Variants in PCCA observed in about 807,000 individuals in gnomAD.
The protein encoded by PCCA is propionyl-CoA carboxylase subunit alpha, also known as propionyl-CoA carboxylase alpha chain, mitochondrial.
A neutral mutation model predicts 101.3 loss-of-function variants in PCCA; 74 were observed. That is an observed-to-expected ratio of 0.73 (90% CI 0.61 to 0.89). PCCA has a LOEUF of 0.89. PCCA is among the 40% of genes least tolerant of loss of function. The probability of loss-of-function intolerance (pLI) is 0.00; values close to 1 mark genes in which losing one functional copy is unlikely to be tolerated. For synonymous variants in PCCA, 294 were observed against 313.6 expected, an observed-to-expected ratio of 0.94 and a Z score of 0.66; for missense variants, 891 against 907.0, an observed-to-expected ratio of 0.98 and a Z score of 0.23.
At chr13:100,235,278 GA>G (rs554536034) in intron 7 of PCCA, among the ~76,000 whole-genome samples, 2,111 of 116,526 alleles carry the variant, frequency 0.018, 18 homozygotes, top group East Asian at 0.08. Context: ...ATATGTACCT[GA>G]AAAAAAAAAA....
rs769286299 is a variant in PCCA at position 100,262,790 on chromosome 13, A to C, written c.778A>C (p.Ile260Leu). Reference protein sequence around the residue: ...ASSFGDDRLLIEKFIDNPRHI... With the variant: ...ASSFGDDRLLLEKFIDNPRHI... ...TAGTTTTGGCGATGATAGACTACTA[A>C]TAGAAAAATTTATTGATAATCCTCG... The change falls in exon 10 of 24, where the codon ATA becomes CTA. Residue 260 changes from isoleucine (I) to leucine (L), a missense_variant. Ile to Leu is a conservative substitution (Grantham distance 5). Coordinates refer to ENST00000376285, the MANE Select transcript of PCCA (RefSeq NM_000282.4). The C allele has an allele frequency of 7.0e-6, 11 of 1,570,832 alleles. No individual in the cohort carries two copies. The highest frequency in any genetic ancestry group is 9.6e-6 in the Non-Finnish European group (11 of 1,142,352).
chr13:100,452,557 A>G (rs60042077), intron 21 of PCCA, among the ~76,000 whole-genome samples: 5,174 of 152,204 alleles, frequency 0.034, 294 homozygotes, highest in African/African-American at 0.12. Flanking sequence ...TTTACTCAGT[A>G]GGCTCCTTCT....
At position 100,425,646 on chromosome 13, in the gene PCCA, G is replaced by C. The variant is rs2079091617; in HGVS notation, c.1760G>C (p.Gly587Ala). The C allele has an allele frequency of 6.2e-7, 1 of 1,613,264 alleles. No individual in the cohort carries two copies. Among genetic ancestry groups the C allele is most frequent in the Non-Finnish European group, 8.5e-7 (1 of 1,179,220 alleles). The change falls in exon 20 of 24, where the codon GGG (glycine) becomes GCG (alanine). Residue 587 changes from glycine (G) to alanine (A), a missense_variant. Physicochemically the swap from Gly to Ala is moderately conservative, Grantham distance 60. Coordinates refer to ENST00000376285, the MANE Select transcript of PCCA (RefSeq NM_000282.4). ...NGSVFSVEVD[G>A]SKLNVTSTWN... is the part of the protein sequence containing the mutation. Reference sequence around the variant, plus strand: ...GTGTCACAACAGGTGGAAGTTGATGGGTCGAAACTAAATGTGACCAGCACG... The same window carrying C: ...GTGTCACAACAGGTGGAAGTTGATGCGTCGAAACTAAATGTGACCAGCACG...
chr13:100,440,868 A>C (rs2080319893), intron 20 of PCCA, among the ~76,000 whole-genome samples: 1 of 152,200 alleles, frequency 6.6e-6, no homozygotes, highest in Non-Finnish European at 1.5e-5. Flanking sequence ...TCCTTTTTAC[A>C]TTCCTGACAT....
chr13:100,198,653 C>T (rs539198241), intron 6 of PCCA, among the ~76,000 whole-genome samples: 66 of 152,228 alleles, frequency 4.3e-4, no homozygotes, highest in African/African-American at 1.4e-3. Flanking sequence ...TGCACACCAC[C>T]ATGCCTGGCT....
intron 17 of PCCA, among the ~76,000 whole-genome samples, chr13:100,337,905 CA>C (rs1226008668): frequency 6.6e-6 from 1 of 152,296 alleles, no homozygotes; most frequent in Non-Finnish European, 1.5e-5. Flanking sequence ...TAAACACACA[CA>C]ACATTTTCAT....
intron 18 of PCCA, among the ~76,000 whole-genome samples, chr13:100,346,018 A>T (rs892031397): frequency 6.6e-6 from 1 of 152,032 alleles, no homozygotes; most frequent in Non-Finnish European, 1.5e-5. Context: ...ATTGCTGCTC[A>T]TTGACAGTGC....
chr13:100,517,969 G>A (rs940754513), intron 22 of PCCA, among the ~76,000 whole-genome samples: 7 of 152,150 alleles, frequency 4.6e-5, no homozygotes, highest in Non-Finnish European at 1.0e-4. Context: ...TACCTGTCAC[G>A]TTGAAATTTT....
chr13:100,518,435 T>A (rs893982495), intron 22 of PCCA, among the ~76,000 whole-genome samples: 4 of 152,248 alleles, frequency 2.6e-5, no homozygotes, highest in African/African-American at 2.4e-5. Context: ...CTGATTCATT[T>A]GAAACACTCA....
intron 18 of PCCA, among the ~76,000 whole-genome samples, chr13:100,366,148 C>G (rs137888521): frequency 1.1e-4 from 16 of 152,244 alleles, no homozygotes; most frequent in African/African-American, 3.9e-4. Flanking sequence ...TTCAAGAAAG[C>G]CAAGTTGCAC....
intron 4 of PCCA, chr13:100,154,712 T>C: frequency 2.4e-6 from 1 of 418,586 alleles, no homozygotes; most frequent in Non-Finnish European, 4.4e-6. Context: ...GCTAAAATTG[T>C]TTGCTGTGAT....
At chr13:100,292,338 C>T (rs2065190353) in intron 12 of PCCA, among the ~76,000 whole-genome samples, 1 of 152,166 alleles carries the variant, frequency 6.6e-6, no homozygotes, top group Admixed American at 6.5e-5. Context: ...AGTTCTCTTC[C>T]TTCTTAGCTG....
intron 9 of PCCA, among the ~76,000 whole-genome samples, chr13:100,259,317 A>G (rs4526878): frequency 7.0e-6 from 1 of 143,796 alleles, no homozygotes; most frequent in Non-Finnish European, 1.5e-5. Context: ...GATTTTTTTT[A>G]AAAATGTAAT....
At chr13:100,341,654 G>A (rs1172934452) in intron 18 of PCCA, among the ~76,000 whole-genome samples, 1 of 152,130 alleles carries the variant, frequency 6.6e-6, no homozygotes, top group Admixed American at 6.5e-5. Context: ...GTGTAGGAGA[G>A]AATGTTGCTT....
chr13:100,231,021 C>T (rs1594834863), intron 7 of PCCA, among the ~76,000 whole-genome samples: 1 of 152,200 alleles, frequency 6.6e-6, no homozygotes, highest in East Asian at 1.9e-4. Context: ...CACTGTTTTT[C>T]ACTACGCTTC....
At chr13:100,486,234 A>C (rs1324338412) in intron 21 of PCCA, among the ~76,000 whole-genome samples, 2 of 152,206 alleles carry the variant, frequency 1.3e-5, no homozygotes, top group Non-Finnish European at 2.9e-5. Flanking sequence ...GTTCTTCTTT[A>C]GTCTATCAAC....
At chr13:100,349,382 C>T (rs2072980081) in intron 18 of PCCA, among the ~76,000 whole-genome samples, 1 of 152,204 alleles carries the variant, frequency 6.6e-6, no homozygotes, top group Non-Finnish European at 1.5e-5. Context: ...CCACCTCGGC[C>T]TCCCAAAGTG....
At chr13:100,420,142 A>C (rs532511486) in intron 19 of PCCA, among the ~76,000 whole-genome samples, 3 of 152,244 alleles carry the variant, frequency 2.0e-5, no homozygotes, top group African/African-American at 7.2e-5. Flanking sequence ...TTTTCTTTTT[A>C]TCCCCACACT....
At chr13:100,306,988 G>A (rs776036727) in intron 14 of PCCA, among the ~76,000 whole-genome samples, 4 of 152,046 alleles carry the variant, frequency 2.6e-5, no homozygotes, top group African/African-American at 7.2e-5. Context: ...TTTTAGTTTC[G>A]TCATTCAGTG....
Sources: allele counts gnomAD v4.1 joint callset (sites outside exome capture counted in the v4.1 genomes callset), GRCh38; gene constraint gnomAD v4.1.1; transcripts MANE v1.5; gene names NCBI Gene and HGNC (gene_info 2026-07-23, HGNC 2026-07-21).